Variants in DNAH17 observed in about 807,000 individuals in gnomAD.
DNAH17 encodes dynein axonemal heavy chain 17.
DNAH17 carries 376 observed loss-of-function variants against 485.6 expected under a neutral mutation model. The observed-to-expected ratio is 0.77, with a 90% CI of 0.71 to 0.84. The LOEUF (loss-of-function observed/expected upper bound fraction) is 0.84. Among genes scored for constraint, DNAH17 ranks in the 40% least tolerant of loss-of-function variants. The pLI, the probability that DNAH17 is intolerant of heterozygous loss-of-function variation, is 0.00. For synonymous variants in DNAH17, 3,031 were observed against 2,405.9 expected (o/e 1.26, Z -7.60); for missense variants, 6,370 against 5,839.3 (o/e 1.09, Z -2.96).
At chr17:78,488,023 T>C (rs1303603467) in intron 44 of DNAH17, among the ~76,000 whole-genome samples, 3 of 152,162 alleles carry the variant, frequency 2.0e-5, no homozygotes, top group African/African-American at 7.2e-5. Context: ...GAATTCCAAG[T>C]CCAGTTGGTC....
chr17:78,562,636 C>G (rs908223643), intron 11 of DNAH17, among the ~76,000 whole-genome samples: 4 of 152,068 alleles, frequency 2.6e-5, no homozygotes, highest in Non-Finnish European at 4.4e-5. Context: ...AAAAACAAAC[C>G]CAAAACAACT....
chr17:78,559,083 G>C (rs2092094834), intron 13 of DNAH17, among the ~76,000 whole-genome samples: 1 of 152,194 alleles, frequency 6.6e-6, no homozygotes, highest in African/African-American at 2.4e-5. Context: ...TCAGTTGAAT[G>C]AGGTGTGATG....
Position 78,509,659 on chromosome 17 carries a change from T to C in DNAH17, c.4236+725A>G, listed in dbSNP as rs550362318. On this transcript the variant is annotated intron_variant, in intron 27 of 80. Transcript: ENST00000389840. ...GGAACTGCCGGTAGCCAGTGGCGCA[T>C]TAACAAGTTCAGGTACCAGCTGGGG... 7.2e-5 allele frequency among the ~76,000 whole-genome samples: 11 copies of C among 152,240 alleles called. No individual in the cohort carries two copies. The South Asian group carries it at 1.9e-3, about 26-fold the overall frequency.
intron 54 of DNAH17, 84 bp from the exon 55 acceptor site, chr17:78,468,967 G>T (rs2146567720): frequency 1.3e-6 from 2 of 1,490,246 alleles, no homozygotes; most frequent in Middle Eastern, 3.6e-4. Flanking sequence ...CAGAGCACAG[G>T]GCCATTTTTT....
At chr17:78,479,414 T>C in intron 50 of DNAH17, 71 bp downstream of exon 50, 2 of 1,481,200 alleles carry the variant, frequency 1.4e-6, no homozygotes, top group African/African-American at 1.4e-5. Context: ...CAAGGGAAAA[T>C]GTGAAGAACC....
intron 71 of DNAH17, among the ~76,000 whole-genome samples, chr17:78,441,467 A>C: frequency 6.6e-6 from 1 of 152,132 alleles, no homozygotes; most frequent in East Asian, 1.9e-4. Context: ...GGGAGAGGCC[A>C]GCCTTGGAAG....
intron 75 of DNAH17, among the ~76,000 whole-genome samples, chr17:78,432,845 G>A (rs1237633463): frequency 1.3e-5 from 2 of 150,766 alleles, no homozygotes; most frequent in African/African-American, 2.5e-5. Flanking sequence ...CAGGCTTAGC[G>A]GTCCAGTGAC....
At chr17:78,561,639 G>A (rs983398530) in intron 12 of DNAH17, 76 bp downstream of exon 12, 199 of 1,464,746 alleles carry the variant, frequency 1.4e-4, no homozygotes, top group Admixed American at 2.3e-4. Context: ...GGTCCCGCTC[G>A]GGGTTGGGAC....
rs759704382 is a variant in DNAH17 at position 78,558,255 on chromosome 17, CTAAA to C, written c.2032-5_2032-2del. On this transcript the variant is annotated splice_acceptor_variant and splice_polypyrimidine_tract_variant and intron_variant, in intron 13 of 80. Transcript: ENST00000389840. LOFTEE classifies it high-confidence loss of function. The stretch of plus-strand genomic sequence containing the variant: ...TGACTTCTCTCAGAACTGCCACCAA[CTAAA>C]TGACAAACGAAGATCAAAGAACATG... 8.8e-5 allele frequency: 142 copies of C among 1,613,276 alleles called. No individual in the cohort carries two copies. The African/African-American group carries it at 1.7e-3, about 19-fold the overall frequency.
At chr17:78,464,576 CAATGAA>C (rs1480346504) in intron 56 of DNAH17, among the ~76,000 whole-genome samples, 3 of 152,224 alleles carry the variant, frequency 2.0e-5, no homozygotes, top group African/African-American at 7.2e-5. Context: ...CACCATCTTT[CAATGAA>C]AAGAGACTGC....
At chr17:78,501,899 G>GAC (rs781694413) in intron 33 of DNAH17, 26 bp from the exon 34 acceptor site, 1 of 1,613,176 alleles carries the variant, frequency 6.2e-7, no homozygotes, top group African/African-American at 1.3e-5. Context: ...CCTTCGATGA[G>GAC]ACACCACGGG....
In DNAH17 at chr17:78,479,026, T is replaced by C; in HGVS notation, c.7991A>G (p.Gln2664Arg). 6.2e-7 allele frequency: 1 copy of C among 1,613,542 alleles called. No individual in the cohort carries two copies. The highest frequency in any genetic ancestry group is 8.5e-7 in the Non-Finnish European group (1 of 1,179,590). Residue 2664 changes from glutamine (Q) to arginine (R), a missense_variant and splice_region_variant, in exon 51 of 81, where the codon CAG becomes CGG. Coordinates refer to ENST00000389840, the MANE Select transcript of DNAH17 (RefSeq NM_173628.4). ...GACATAAAGCTACAAGAGCAGTACC[T>C]GGAAAATATTGGAGAGGTCCCTGAG... ...FNLRDLSNIFQGLLFSTAEVL... is the reference protein window; with the variant it reads ...FNLRDLSNIFRGLLFSTAEVL...
At chr17:78,495,194 G>A in intron 38 of DNAH17, 97 bp from the exon 39 acceptor site, 1 of 1,414,720 alleles carries the variant, frequency 7.1e-7, no homozygotes, top group Non-Finnish European at 9.4e-7. Flanking sequence ...CACCTCGACT[G>A]CCAGGTAGAC....
chr17:78,485,253 G>A, intron 47 of DNAH17: 1 of 652,438 alleles, frequency 1.5e-6, no homozygotes, highest in Non-Finnish European at 2.6e-6. Context: ...CAGGAACCTT[G>A]CTCTCCGTCA....
At chr17:78,483,632 G>C (rs183848765) in intron 48 of DNAH17, among the ~76,000 whole-genome samples, 70 of 70,550 alleles carry the variant, frequency 9.9e-4, no homozygotes, top group African/African-American at 3.4e-3. Flanking sequence ...CTCTGTCTTG[G>C]AAATAATAAT....
In DNAH17 at chr17:78,507,319, G is replaced by A; in HGVS notation, c.4635C>T (p.Ser1545=). ...VKTPNVVEAT[S]KPGLYNKLEA... ...CCAGTTTATTGTAGAGGCCGGGTTT[G>A]CTGGTGGCTTCCACCACGTTGGGTG... Residue 1545 remains serine, a synonymous_variant, in exon 29 of 81, where the codon AGC becomes AGT. Transcript: ENST00000389840. The A allele has an allele frequency of 6.2e-7, 1 of 1,614,040 alleles. No homozygotes were observed.
intron 34 of DNAH17, 95 bp downstream of exon 34, chr17:78,501,641 CAGGAAG>C: frequency 6.7e-7 from 1 of 1,487,698 alleles, no homozygotes; most frequent in South Asian, 1.3e-5. Flanking sequence ...GTCAGTGCCC[CAGGAAG>C]AGGAAGTGGC....
At chr17:78,504,607 T>C (rs1055128994) in intron 31 of DNAH17, among the ~76,000 whole-genome samples, 1 of 152,204 alleles carries the variant, frequency 6.6e-6, no homozygotes, top group Non-Finnish European at 1.5e-5. Flanking sequence ...CATTGTATTT[T>C]CCTCAGGCTG....
rs2086564760 is a variant in DNAH17 at position 78,428,612 on chromosome 17, G to A, written c.12501C>T (p.Thr4167=). The change falls in exon 77 of 81, where the codon ACC becomes ACT. Residue 4167 remains threonine (T), a synonymous_variant. Coordinates refer to ENST00000389840, the MANE Select transcript of DNAH17 (RefSeq NM_173628.4). The stretch of plus-strand genomic sequence containing the variant: ...GGACAGTGCGGAACAGCTTCTCTGA[G>A]GTGACCGTCAGAAAGCCAATCTCTG... The part of the protein sequence containing the change: ...PNAEIGFLTV[T]SEKLFRTVLE... The A allele has an allele frequency of 6.2e-7, 1 of 1,613,864 alleles. No individual in the cohort carries two copies. Among genetic ancestry groups the A allele is most frequent in the Admixed American group, 1.7e-5 (1 of 59,986 alleles).
Sources: allele counts gnomAD v4.1 joint callset (sites outside exome capture counted in the v4.1 genomes callset), GRCh38; gene constraint gnomAD v4.1.1; transcripts MANE v1.5; gene names NCBI Gene and HGNC (gene_info 2026-07-23, HGNC 2026-07-21).